PADI4: variants seen among roughly 807,000 people sequenced by gnomAD.
The protein encoded by PADI4 is peptidyl arginine deiminase 4.
A neutral mutation model predicts 75.0 loss-of-function variants in PADI4; 62 were observed. The ratio of observed to expected loss-of-function variants is 0.83; its 90% CI spans 0.67 to 1.02. The LOEUF (loss-of-function observed/expected upper bound fraction) is 1.02. Among genes scored for constraint, PADI4 ranks in the 50% least tolerant of loss-of-function variants. PADI4 has a pLI of 0.00. For synonymous variants in PADI4, 361 were observed against 348.1 expected, an observed-to-expected ratio of 1.04 and a Z score of -0.41; for missense variants, 845 against 850.5, an observed-to-expected ratio of 0.99 and a Z score of 0.08.
Position 17,308,204 on chromosome 1 carries a change from G to C in PADI4, c.-19G>C. The C allele has an allele frequency of 2.5e-6, 4 of 1,611,278 alleles. No individual in the cohort carries two copies. The highest frequency in any genetic ancestry group is 3.4e-6 in the Non-Finnish European group (4 of 1,177,672). ...AGCCCAGGGGCTTCCTACAGCCAGA[G>C]GGACGAGCTAGCCCGACGATGGCCC... is the stretch of plus-strand genomic sequence containing the variant. On this transcript the variant is annotated 5_prime_UTR_variant, in exon 1 of 16. Coordinates refer to ENST00000375448, the MANE Select transcript of PADI4 (RefSeq NM_012387.3).
At chr1:17,360,616 AG>A (rs2074835309) in intron 15 of PADI4, among the ~76,000 whole-genome samples, 1 of 152,164 alleles carries the variant, frequency 6.6e-6, no homozygotes, top group Non-Finnish European at 1.5e-5. Context: ...CGCTTCTGCC[AG>A]GGCTCTGGCT....
At chr1:17,327,497 C>G (rs1391788026) in intron 1 of PADI4, among the ~76,000 whole-genome samples, 1 of 150,166 alleles carries the variant, frequency 6.7e-6, no homozygotes, top group Admixed American at 6.6e-5. Context: ...AATGAAAACT[C>G]TCTTTTAACT....
At position 17,357,799 on chromosome 1, in the gene PADI4, C is replaced by T. The variant is rs372461702; in HGVS notation, c.1559-1039C>T. Among the ~76,000 whole-genome samples, 31 of 151,578 alleles carry T rather than the reference C, an allele frequency of 2.0e-4. 1 individual carries two copies. The East Asian group carries it at 2.8e-3, about 13-fold the overall frequency. ...TACAAAAATTAGCCGGGCGTGGTGG[C>T]GGGTGCCTGTAATCCCAGCTACTTG... On this transcript the variant is annotated intron_variant, in intron 13 of 15. Transcript: ENST00000375448.
At chr1:17,320,141 C>G (rs2074009485) in intron 1 of PADI4, among the ~76,000 whole-genome samples, 1 of 152,230 alleles carries the variant, frequency 6.6e-6, no homozygotes, top group Non-Finnish European at 1.5e-5. Context: ...GGGGCAAACC[C>G]ATTCCTTGCA....
At chr1:17,345,693 G>A (rs2074502740) in intron 8 of PADI4, among the ~76,000 whole-genome samples, 1 of 152,168 alleles carries the variant, frequency 6.6e-6, no homozygotes, top group African/African-American at 2.4e-5. Context: ...CGCCATGTAA[G>A]AAGTGCCTTT....
intron 15 of PADI4, among the ~76,000 whole-genome samples, 191 bp from the exon 16 acceptor site, chr1:17,363,331 C>A (rs956985098): frequency 1.3e-5 from 2 of 152,104 alleles, no homozygotes; most frequent in Non-Finnish European, 2.9e-5. Context: ...CCATGTTGCC[C>A]AGGCTGGTCT....
At chr1:17,339,647 C>G (rs2074378788) in intron 5 of PADI4, 41 bp from the exon 6 acceptor site, 3 of 1,611,060 alleles carry the variant, frequency 1.9e-6, no homozygotes, top group Non-Finnish European at 8.5e-7. Flanking sequence ...CAGCAGCGGT[C>G]TCAGGGCCCT....
chr1:17,357,453 C>A (rs1189259443), intron 13 of PADI4, among the ~76,000 whole-genome samples: 3 of 152,156 alleles, frequency 2.0e-5, no homozygotes, highest in Non-Finnish European at 4.4e-5. Context: ...AGGCATGAGC[C>A]ACCACGCCTG....
chr1:17,344,753 C>T (rs2074485689), intron 8 of PADI4, among the ~76,000 whole-genome samples: 1 of 152,234 alleles, frequency 6.6e-6, no homozygotes, highest in Non-Finnish European at 1.5e-5. Flanking sequence ...GGTTTGGGAA[C>T]CTCTGCCTTG....
chr1:17,336,494 G>A (rs1158621309), intron 4 of PADI4, among the ~76,000 whole-genome samples: 1 of 152,206 alleles, frequency 6.6e-6, no homozygotes, highest in Non-Finnish European at 1.5e-5. Flanking sequence ...CAGCAGAGAG[G>A]AAATTCGTGG....
chr1:17,310,884 G>A (rs1040204673), intron 1 of PADI4, among the ~76,000 whole-genome samples: 5 of 152,110 alleles, frequency 3.3e-5, no homozygotes, highest in Admixed American at 3.3e-4. Flanking sequence ...GGATCACAAG[G>A]TCAGGAGATC....
intron 1 of PADI4, among the ~76,000 whole-genome samples, chr1:17,324,646 T>C (rs1277980259): frequency 6.6e-6 from 1 of 152,178 alleles, no homozygotes; most frequent in Non-Finnish European, 1.5e-5. Context: ...TATTTACATC[T>C]AGTTGAATTT....
intron 11 of PADI4, 131 bp from the exon 12 acceptor site, chr1:17,355,852 G>A: frequency 1.2e-6 from 1 of 820,222 alleles, no homozygotes; most frequent in South Asian, 1.4e-5. Context: ...ATAAAATAAA[G>A]GCATTCTAGA....
intron 3 of PADI4, 122 bp downstream of exon 3, chr1:17,334,131 C>T (rs2100712652): frequency 1.5e-6 from 1 of 679,708 alleles, no homozygotes; most frequent in Non-Finnish European, 2.7e-6. Context: ...AGAGAAAAAG[C>T]ATGGTTTCTA....
At chr1:17,362,979 G>T (rs1376711202) in intron 15 of PADI4, among the ~76,000 whole-genome samples, 27 of 151,152 alleles carry the variant, frequency 1.8e-4, no homozygotes, top group Admixed American at 1.8e-3. Flanking sequence ...GGCACACCTG[G>T]CTCATTCTTG....
chr1:17,340,028 T>C (rs1255568873), intron 6 of PADI4, among the ~76,000 whole-genome samples: 1 of 137,008 alleles, frequency 7.3e-6, no homozygotes, highest in African/African-American at 2.8e-5. Context: ...TGCTTTTCTT[T>C]CTCTCTCTCT....
rs771005100 is a variant in PADI4 at position 17,346,102 on chromosome 1, G to A, written c.1010G>A (p.Cys337Tyr). 1.9e-6 allele frequency: 3 copies of A among 1,613,800 alleles called. No individual in the cohort carries two copies. The South Asian group carries it at 3.3e-5, about 18-fold the overall frequency. ...AMKAKCKLTI[C>Y]PEEENMDDQW... ...AAAGCCAAGTGCAAGCTGACCATCT[G>A]CCCTGAGGAGGAGAACATGGATGAC... is the stretch of plus-strand genomic sequence containing the variant. Residue 337 changes from cysteine (C) to tyrosine (Y), a missense_variant, in exon 9 of 16, where the codon TGC (cysteine) becomes TAC (tyrosine). Physicochemically the swap from Cys to Tyr is radical, Grantham distance 194 (BLOSUM62 -2). Coordinates refer to ENST00000375448, the MANE Select transcript of PADI4 (RefSeq NM_012387.3). This position sits in a 1 kb window ranked among gnomAD's most constrained non-coding sequence, Gnocchi z 4.3.
chr1:17,339,763 T>C lies in PADI4; in HGVS notation c.602T>C (p.Leu201Pro). ...TTCTTCACAAACCATACACTGGTGC[T>C]CCACGTGGCCAGGTCTGAGATGGAC... ...KDFFTNHTLV[L>P]HVARSEMDKV... Residue 201 changes from leucine to proline, a missense_variant, in exon 6 of 16, where the codon CTC becomes CCC. By Grantham distance (98) the Leu-to-Pro change is moderately conservative (BLOSUM62 -3). Transcript: ENST00000375448. 2 of 1,613,904 alleles carry C rather than the reference T, an allele frequency of 1.2e-6. No homozygotes were observed. Among genetic ancestry groups the C allele is most frequent in the Non-Finnish European group, 1.7e-6 (2 of 1,179,928 alleles).
Position 17,355,931 on chromosome 1 carries a change from C to T in PADI4, c.1311-52C>T. 3.1e-6 allele frequency: 5 copies of T among 1,609,932 alleles called. No individual in the cohort carries two copies. In the Admixed American group the frequency reaches 8.3e-5, roughly 27 times the overall value. ...TGCCAAGCCCCTTGTCCTTCAGGGA[C>T]TTCCCTGTAGCCCTTGCTGCCGATA... On this transcript the variant is annotated intron_variant, in intron 11 of 15. Transcript: ENST00000375448.
Sources: gnomAD v4.1 joint callset for allele counts (sites outside exome capture counted in the v4.1 genomes callset) on GRCh38, gnomAD v4.1.1 for gene constraint, Gnocchi (gnomAD v3.1) non-coding constraint, MANE v1.5 for transcripts, NCBI Gene and HGNC (gene_info 2026-07-23, HGNC 2026-07-21) for gene names.